The following FOXN3 variants were observed in gnomAD, a reference collection of about 807,000 sequenced individuals.
FOXN3 encodes forkhead box N3, also known as forkhead box protein N3.
FOXN3 carries 7 observed loss-of-function variants against 38.4 expected under a neutral mutation model. The observed-to-expected ratio is 0.18, with a 90% confidence interval of 0.10 to 0.34. FOXN3 has a LOEUF of 0.34. Ranked by LOEUF, FOXN3 falls within the 10% of genes least tolerant of loss-of-function variation. The pLI, the probability that FOXN3 is intolerant of heterozygous loss-of-function variation, is 1.00. For synonymous variants in FOXN3, 230 were observed against 242.2 expected (o/e 0.95, Z 0.47); for missense variants, 456 against 613.4 (o/e 0.74, Z 2.71).
rs184549325 is a variant in FOXN3, at chr14:89,393,692, A to T, written c.543+18242T>A. ...AAAAGATCAGTTGGGATTACATTTC[A>T]TAAGACTCAACCACTGCTAACAAAA... On this transcript the variant is annotated intron_variant, in intron 2 of 5. Transcript: ENST00000557258. Among the ~76,000 whole-genome samples, 94 of 152,366 alleles carry T rather than the reference A, an allele frequency of 6.2e-4. 2 individuals are homozygous for T. Among genetic ancestry groups the T allele is most frequent in the Admixed American group, 6.1e-3 (94 of 15,310 alleles).
intron 1 of FOXN3, among the ~76,000 whole-genome samples, chr14:89,573,629 C>T (rs1269438161): frequency 6.6e-6 from 1 of 152,120 alleles, no homozygotes. Flanking sequence ...CTAAATTGCA[C>T]TGGAAAAGAA....
At chr14:89,463,399 G>T (rs1256181639) in intron 1 of FOXN3, among the ~76,000 whole-genome samples, 1 of 152,080 alleles carries the variant, frequency 6.6e-6, no homozygotes, top group Non-Finnish European at 1.5e-5. Context: ...ACCTCATTGG[G>T]GATTAAGTCT....
At chr14:89,215,804 G>A (rs1317468943) in intron 4 of FOXN3, among the ~76,000 whole-genome samples, 4 of 151,954 alleles carry the variant, frequency 2.6e-5, no homozygotes, top group African/African-American at 4.8e-5. Context: ...GTCTGGCGGC[G>A]GCGGCAAGAC....
chr14:89,319,773 C>G (rs938458998), intron 3 of FOXN3, among the ~76,000 whole-genome samples: 6 of 152,164 alleles, frequency 3.9e-5, no homozygotes, highest in Non-Finnish European at 7.3e-5. Flanking sequence ...CACGCAACAT[C>G]CAAGTGCTCA....
In FOXN3 at chr14:89,448,773, T is replaced by TA. The variant is rs376561986; in HGVS notation, c.-14-36284dup. ...GGGCAACATCAGGAGACCCCATCTC[T>TA]AAAAAAAAAATACAAAAACTAGCCA... On this transcript the variant is annotated intron_variant, in intron 1 of 6. Coordinates refer to the FOXN3 transcript ENST00000345097. Among the ~76,000 whole-genome samples the TA allele has an allele frequency of 7.3e-3, 1,074 of 146,976 alleles. 12 individuals are homozygous for TA. Among genetic ancestry groups the TA allele is most frequent in the African/African-American group, 0.025 (1,021 of 40,180 alleles).
intron 1 of FOXN3, among the ~76,000 whole-genome samples, chr14:89,600,174 A>AC (rs1004499438): frequency 6.6e-6 from 1 of 152,218 alleles, no homozygotes; most frequent in African/African-American, 2.4e-5. Flanking sequence ...TATATGCACT[A>AC]CCACTGTAAG....
chr14:89,609,597 C>T (rs77834432), intron 1 of FOXN3, among the ~76,000 whole-genome samples: 2,146 of 152,152 alleles, frequency 0.014, 39 homozygotes, highest in African/African-American at 0.048. Flanking sequence ...GTTTTATTTC[C>T]ATAGTACTTA....
chr14:89,522,798 G>GA (rs999115198), intron 1 of FOXN3, among the ~76,000 whole-genome samples: 11 of 148,578 alleles, frequency 7.4e-5, no homozygotes, highest in African/African-American at 9.9e-5. Flanking sequence ...AAAGGAGGCA[G>GA]AAAAAAAAAG....
At chr14:89,350,566 G>T in intron 3 of FOXN3, 106 bp downstream of exon 3, 2 of 1,016,738 alleles carry the variant, frequency 2.0e-6, no homozygotes, top group East Asian at 2.9e-5. Context: ...TTTACCTGCA[G>T]TTATTTTTAA....
chr14:89,409,388 G>C (rs1891477990), intron 2 of FOXN3: 1 of 150,556 alleles, frequency 6.6e-6, no homozygotes, highest in Non-Finnish European at 1.5e-5. Flanking sequence ...GCTCCTCCCA[G>C]TGTGCCTCAA....
intron 4 of FOXN3, among the ~76,000 whole-genome samples, chr14:89,268,343 C>G (rs1353179162): frequency 6.6e-6 from 1 of 152,188 alleles, no homozygotes; most frequent in Admixed American, 6.5e-5. Flanking sequence ...TCTATTCTCT[C>G]AAGGGACAGT....
chr14:89,202,589 A>G (rs761556361), intron 4 of FOXN3, among the ~76,000 whole-genome samples: 2 of 152,180 alleles, frequency 1.3e-5, no homozygotes, highest in Non-Finnish European at 2.9e-5. Flanking sequence ...TGTTTGGTTC[A>G]CGGGGAGGAT....
chr14:89,187,525 C>T (rs1485471913), intron 4 of FOXN3, among the ~76,000 whole-genome samples: 1 of 152,230 alleles, frequency 6.6e-6, no homozygotes, highest in African/African-American at 2.4e-5. Flanking sequence ...CAGGAATAGC[C>T]TCTCACTTTT....
intron 1 of FOXN3, among the ~76,000 whole-genome samples, chr14:89,524,028 T>G (rs570616975): frequency 2.8e-4 from 42 of 149,386 alleles, no homozygotes; most frequent in Non-Finnish European, 5.3e-4. Context: ...CCCAAAGTGC[T>G]GAGATTACAG....
At chr14:89,276,653 G>T (rs1181659005) in intron 4 of FOXN3, among the ~76,000 whole-genome samples, 1 of 152,218 alleles carries the variant, frequency 6.6e-6, no homozygotes, top group Non-Finnish European at 1.5e-5. Context: ...TTCCCCTGGG[G>T]ATCTCCAGCC....
At chr14:89,537,380 T>C (rs1439177135) in intron 1 of FOXN3, among the ~76,000 whole-genome samples, 4 of 152,064 alleles carry the variant, frequency 2.6e-5, no homozygotes, top group Non-Finnish European at 4.4e-5. Flanking sequence ...TATGGAATGT[T>C]TGATGAATGA....
rs556847589 is a variant in FOXN3 at position 89,216,368 on chromosome 14, A to G, written c.746-35562T>C. ...CTGTAAGGCATAGGTCAAAGGGGAA[A>G]ATGTCTCGGCAGGTAAGGAGTTTAT... On this transcript the variant is annotated intron_variant, in intron 4 of 5. Coordinates refer to ENST00000557258, the MANE Select transcript of FOXN3 (RefSeq NM_005197.4). Among the ~76,000 whole-genome samples the G allele has an allele frequency of 2.0e-5, 3 of 152,314 alleles. No homozygotes were observed. The East Asian group carries it at 5.8e-4, about 29-fold the overall frequency.
chr14:89,199,231 G>A (rs1056019038), intron 4 of FOXN3, among the ~76,000 whole-genome samples: 1 of 152,156 alleles, frequency 6.6e-6, no homozygotes. Flanking sequence ...CTGTGGACAT[G>A]AACTGCAAAC....
chr14:89,539,833 C>A (rs1342150470), intron 1 of FOXN3, among the ~76,000 whole-genome samples: 6 of 152,036 alleles, frequency 3.9e-5, no homozygotes, highest in Admixed American at 2.6e-4. Flanking sequence ...CCTTCTGATA[C>A]TAAAACAAAA....
Sources: gnomAD v4.1 joint callset for allele counts (sites outside exome capture counted in the v4.1 genomes callset) on GRCh38, gnomAD v4.1.1 for gene constraint, MANE v1.5 for transcripts, NCBI Gene and HGNC (gene_info 2026-07-23, HGNC 2026-07-21) for gene names.